Variants in TRIM42 observed in about 807,000 individuals in gnomAD.
The protein encoded by TRIM42 is tripartite motif containing 42.
TRIM42 carries 59 observed loss-of-function variants against 64.9 expected under a neutral mutation model. That is an observed-to-expected ratio of 0.91 (90% CI 0.74 to 1.13). TRIM42 has a LOEUF of 1.13. Among genes scored for constraint, TRIM42 ranks in the 50% most tolerant of loss-of-function variants. The pLI, the probability that TRIM42 is intolerant of heterozygous loss-of-function variation, is 0.00. For synonymous variants in TRIM42, 354 were observed against 346.3 expected (o/e 1.02, Z -0.25); for missense variants, 878 against 929.5 (o/e 0.94, Z 0.72).
At chr3:140,694,786 G>T (rs534661982) in intron 4 of TRIM42, among the ~76,000 whole-genome samples, 2 of 152,102 alleles carry the variant, frequency 1.3e-5, no homozygotes, top group Non-Finnish European at 2.9e-5. Context: ...GAAGCCACCC[G>T]CATTCCTTGC....
intron 2 of TRIM42, among the ~76,000 whole-genome samples, chr3:140,685,992 T>C (rs1988536946): frequency 6.6e-6 from 1 of 152,236 alleles, no homozygotes. Flanking sequence ...TTGACTTTGC[T>C]TTAAAATCAG....
intron 4 of TRIM42, among the ~76,000 whole-genome samples, chr3:140,693,963 G>C (rs1467426974): frequency 6.6e-6 from 1 of 152,114 alleles, no homozygotes; most frequent in African/African-American, 2.4e-5. Context: ...TTACAGATAA[G>C]AAAAATGAGG....
rs770273666 is a variant in TRIM42, at chr3:140,678,548, C to T, written c.319C>T (p.Arg107Cys). Residue 107 changes from arginine to cysteine, a missense_variant, in exon 1 of 5, where the codon CGC becomes TGC. Arg to Cys is a radical substitution (Grantham distance 180). Coordinates refer to ENST00000286349, the MANE Select transcript of TRIM42 (RefSeq NM_152616.5). ...RNTIITFHKGRLRSIHTSSKT... is the reference protein window; with the variant it reads ...RNTIITFHKGCLRSIHTSSKT... The stretch of plus-strand genomic sequence containing the variant: ...TACCATCATCACTTTCCACAAGGGC[C>T]GCCTCAGGAGCATCCATACCTCGTA... The T allele has an allele frequency of 5.8e-5, 94 of 1,613,536 alleles. No individual in the cohort carries two copies. The highest frequency in any genetic ancestry group is 4.4e-4 in the African/African-American group (33 of 74,870).
intron 4 of TRIM42, among the ~76,000 whole-genome samples, chr3:140,693,803 T>C (rs76618487): frequency 0.017 from 2,650 of 152,322 alleles, 55 homozygotes; most frequent in East Asian, 0.11. Flanking sequence ...TTTTAAGAGA[T>C]TTATTTGGTG....
At chr3:140,679,056 C>CT (rs946027714) in intron 1 of TRIM42, among the ~76,000 whole-genome samples, 1 of 122,646 alleles carries the variant, frequency 8.2e-6, no homozygotes, top group Non-Finnish European at 1.9e-5. Flanking sequence ...GAGACAATAC[C>CT]CCCCCCATGA....
chr3:140,678,212 G>A lies in TRIM42; in HGVS notation c.-18G>A, dbSNP rs1163410757. 1 of 1,604,532 alleles carries A rather than the reference G, an allele frequency of 6.2e-7. No individual in the cohort carries two copies. Among genetic ancestry groups the A allele is most frequent in the African/African-American group, 1.3e-5 (1 of 74,736 alleles). On this transcript the variant is annotated 5_prime_UTR_variant, in exon 1 of 5. Coordinates refer to ENST00000286349, the MANE Select transcript of TRIM42 (RefSeq NM_152616.5). Reference sequence around the variant, plus strand: ...GCATCAAGAGTCCTGGGAGGCCGGTGGTAATCATGTAGGCACCATGGAAAC... The same window carrying A: ...GCATCAAGAGTCCTGGGAGGCCGGTAGTAATCATGTAGGCACCATGGAAAC...
Position 140,683,246 on chromosome 3 carries a change from C to T in TRIM42, c.1039+87C>T, listed in dbSNP as rs2107757714. ...CGTGGGGTAATCTGTTAAGTGAGTG[C>T]CTTAACAGATTCCACCTAGTGGAGC... On this transcript the variant is annotated intron_variant, in intron 2 of 4. Transcript: ENST00000286349. The T allele has an allele frequency of 2.2e-6, 3 of 1,338,418 alleles. No individual in the cohort carries two copies. In the South Asian group the frequency reaches 4.0e-5, roughly 18 times the overall value. The allele number at this position is 1,338,418 out of a possible 1,614,324, so 82.9% of individuals were successfully genotyped here. A position where few individuals can be genotyped will look rare whatever the true frequency, so the allele number is the denominator to read the frequency against.
intron 1 of TRIM42, among the ~76,000 whole-genome samples, chr3:140,679,884 C>T (rs754770081): frequency 3.4e-5 from 5 of 146,340 alleles, no homozygotes; most frequent in Admixed American, 1.4e-4. Flanking sequence ...TCCCCACCCC[C>T]CCAAACATTG....
At chr3:140,684,598 T>TG in intron 2 of TRIM42, among the ~76,000 whole-genome samples, 1 of 152,206 alleles carries the variant, frequency 6.6e-6, no homozygotes, top group Non-Finnish European at 1.5e-5. Flanking sequence ...GACCTCTCAG[T>TG]AGCTTCAGGA....
At chr3:140,681,867 T>TA (rs11369639) in intron 1 of TRIM42, among the ~76,000 whole-genome samples, 44,241 of 144,368 alleles carry the variant, frequency 0.31, 6,790 homozygotes, top group East Asian at 0.46. Flanking sequence ...CAAAAGTTGT[T>TA]AAAAAAAAAA....
chr3:140,698,962 G>C (rs552323674), intron 4 of TRIM42, among the ~76,000 whole-genome samples: 21 of 152,050 alleles, frequency 1.4e-4, no homozygotes, highest in Non-Finnish European at 1.6e-4. Flanking sequence ...TGATATTAAC[G>C]TTTCTCCATT....
Position 140,678,331 on chromosome 3 carries a change from G to A in TRIM42, c.102G>A (p.Glu34=). 6.2e-7 allele frequency: 1 copy of A among 1,614,196 alleles called. No homozygotes were observed. Among genetic ancestry groups the A allele is most frequent in the Non-Finnish European group, 8.5e-7 (1 of 1,180,036 alleles). ...CLCCKFIFTS[E]RNCTCFPCPY... ...GCTGCAAGTTCATCTTCACCTCAGA[G>A]CGGAACTGCACCTGCTTCCCCTGCC... The change falls in exon 1 of 5, where the codon GAG becomes GAA. Residue 34 remains glutamate, a synonymous_variant. Transcript: ENST00000286349.
In TRIM42 at chr3:140,692,530, T is replaced by TACACACACACACACACACACACACACAC. The variant is rs1553763786; in HGVS notation, c.2085+1344_2085+1371dup. Among the ~76,000 whole-genome samples, 102 of 108,476 alleles carry TACACACACACACACACACACACACACAC rather than the reference T, an allele frequency of 9.4e-4. 4 individuals carry two copies. In the East Asian group the frequency reaches 0.016, roughly 17 times the overall value. The allele number at this position is 108,476 out of a possible 152,430, so 71.2% of individuals were successfully genotyped here. Reference sequence around the variant, plus strand: ...CCATGGACACACACACACATACACATACACACACACACACACACACACACA... The same window carrying TACACACACACACACACACACACACACAC: ...CCATGGACACACACACACATACACATACACACACACACACACACACACACACACACACACACACACACACACACACACA... On this transcript the variant is annotated intron_variant, in intron 4 of 4. Transcript: ENST00000286349.
intron 1 of TRIM42, chr3:140,680,613 C>G (rs930779994): frequency 8.4e-6 from 8 of 947,534 alleles, no homozygotes; most frequent in Non-Finnish European, 1.0e-5. Context: ...TTTAAGCAAA[C>G]TAAAGTCCAT....
At chr3:140,698,018 T>C (rs9845642) in intron 4 of TRIM42, among the ~76,000 whole-genome samples, 10,790 of 152,224 alleles carry the variant, frequency 0.071, 935 homozygotes, top group African/African-American at 0.19. Context: ...TCCATATATT[T>C]AGGGGTATGT....
chr3:140,678,184 G>T lies in TRIM42; in HGVS notation c.-46G>T. ...AACTGATAGCAGTATTCTGGTAGAG[G>T]AGGCATCAAGAGTCCTGGGAGGCCG... On this transcript the variant is annotated 5_prime_UTR_variant, in exon 1 of 5. Coordinates refer to ENST00000286349, the MANE Select transcript of TRIM42 (RefSeq NM_152616.5). 1 of 1,504,080 alleles carries T rather than the reference G, an allele frequency of 6.6e-7. No individual in the cohort carries two copies. The highest frequency in any genetic ancestry group is 9.2e-7 in the Non-Finnish European group (1 of 1,088,780). 93.2% of individuals were successfully genotyped at this position (1,504,080 alleles called of 1,614,324 possible). A position where few individuals can be genotyped will look rare whatever the true frequency, so the allele number is the denominator to read the frequency against.
rs1436965409 is a variant in TRIM42, at chr3:140,682,689, T to C, written c.569T>C (p.Val190Ala). 2 of 1,612,760 alleles carry C rather than the reference T, an allele frequency of 1.2e-6. No homozygotes were observed. The highest frequency in any genetic ancestry group is 2.2e-5 in the South Asian group (2 of 91,048). Residue 190 changes from valine (V) to alanine (A), a missense_variant, in exon 2 of 5, where the codon GTG (valine) becomes GCG (alanine). Val to Ala is a moderately conservative substitution (Grantham distance 64). Coordinates refer to ENST00000286349, the MANE Select transcript of TRIM42 (RefSeq NM_152616.5). ...TENFFILICP[V>A]CDRSHCMPYS... is the part of the protein sequence containing the mutation. The stretch of plus-strand genomic sequence containing the variant: ...AACTTCTTCATCCTCATCTGCCCAG[T>C]GTGCGACCGCTCGCACTGCATGCCC...
intron 2 of TRIM42, among the ~76,000 whole-genome samples, chr3:140,686,363 T>G (rs2107759776): frequency 6.6e-6 from 1 of 152,250 alleles, no homozygotes; most frequent in African/African-American, 2.4e-5. Context: ...TCTGAGCCAG[T>G]GTGAGGAAGG....
At chr3:140,683,909 A>G (rs1015808890) in intron 2 of TRIM42, among the ~76,000 whole-genome samples, 2 of 152,228 alleles carry the variant, frequency 1.3e-5, no homozygotes, top group Non-Finnish European at 2.9e-5. Flanking sequence ...AAACAAGCAT[A>G]AGAGTATTTC....
Sources: allele counts gnomAD v4.1 joint callset (sites outside exome capture counted in the v4.1 genomes callset), GRCh38; gene constraint gnomAD v4.1.1; transcripts MANE v1.5; gene names NCBI Gene and HGNC (gene_info 2026-07-23, HGNC 2026-07-21).